The following STON1 variants were observed in gnomAD, a reference collection of about 807,000 sequenced individuals.
The protein encoded by STON1 is stonin 1.
STON1 carries 79 observed loss-of-function variants against 60.9 expected under a neutral mutation model. That is an observed-to-expected ratio of 1.30 (90% CI 1.08 to 1.56). The LOEUF (loss-of-function observed/expected upper bound fraction) is 1.56, where lower values mean the gene tolerates loss of function less well. Among genes scored for constraint, STON1 ranks in the 40% most tolerant of loss-of-function variants. The probability of loss-of-function intolerance (pLI) is 0.00; values close to 1 mark genes in which losing one functional copy is unlikely to be tolerated. For synonymous variants in STON1, 363 were observed against 306.9 expected, an observed-to-expected ratio of 1.18 and a Z score of -1.91; for missense variants, 1,166 against 858.9, an observed-to-expected ratio of 1.36 and a Z score of -4.47.
At chr2:48,571,902 C>T (rs1326308975) in intron 1 of STON1, among the ~76,000 whole-genome samples, 2 of 152,144 alleles carry the variant, frequency 1.3e-5, no homozygotes, top group Admixed American at 6.5e-5. Flanking sequence ...CGGTGGCTCA[C>T]GCCTGTAATC....
chr2:48,568,327 A>C (rs1345873492), intron 1 of STON1, among the ~76,000 whole-genome samples: 2 of 152,212 alleles, frequency 1.3e-5, no homozygotes, highest in Admixed American at 6.5e-5. Flanking sequence ...TTCAGCTGCC[A>C]TATGACCTGG....
intron 1 of STON1, among the ~76,000 whole-genome samples, chr2:48,540,622 C>G (rs548696823): frequency 1.3e-5 from 2 of 152,220 alleles, no homozygotes; most frequent in Non-Finnish European, 2.9e-5. Context: ...TTATAGTAAA[C>G]CAGTAAACCT....
chr2:48,541,375 A>G (rs1020641589), intron 1 of STON1, among the ~76,000 whole-genome samples: 3 of 149,774 alleles, frequency 2.0e-5, no homozygotes, highest in Non-Finnish European at 3.0e-5. Context: ...TTATTTTCTT[A>G]TATGTAAAAT....
chr2:48,570,251 C>T (rs1204576539), intron 1 of STON1, among the ~76,000 whole-genome samples: 1 of 152,130 alleles, frequency 6.6e-6, no homozygotes, highest in African/African-American at 2.4e-5. Context: ...AGGAGAATCA[C>T]TTGAACCCGG....
chr2:48,591,936 TTGTG>T, intron 3 of STON1, 81 bp downstream of exon 3: 1 of 1,520,854 alleles, frequency 6.6e-7, no homozygotes. Context: ...CGTGTATGTG[TTGTG>T]TGTGTGTGTA....
At chr2:48,565,271 C>G (rs541004022) in intron 1 of STON1, among the ~76,000 whole-genome samples, 1 of 151,822 alleles carries the variant, frequency 6.6e-6, no homozygotes, top group African/African-American at 2.4e-5. Context: ...CCAGGATGGT[C>G]TCGATCTCCT....
intron 1 of STON1, among the ~76,000 whole-genome samples, chr2:48,537,431 G>A (rs950345894): frequency 1.3e-5 from 2 of 152,242 alleles, no homozygotes; most frequent in East Asian, 1.9e-4. Flanking sequence ...TATTAATTGT[G>A]TTGAAACATG....
intron 1 of STON1, among the ~76,000 whole-genome samples, chr2:48,565,038 G>GCTTCTT (rs1672877049): frequency 7.8e-6 from 1 of 128,140 alleles, no homozygotes; most frequent in African/African-American, 2.9e-5. Context: ...TGGCCCTCCG[G>GCTTCTT]CTTCTTCTTT....
At chr2:48,538,690 A>G (rs1232016830) in intron 1 of STON1, among the ~76,000 whole-genome samples, 2 of 148,756 alleles carry the variant, frequency 1.3e-5, no homozygotes, top group East Asian at 4.0e-4. Flanking sequence ...CTCTACTTCC[A>G]GGGTTCAAAC....
chr2:48,552,117 T>A (rs959900840), intron 1 of STON1, among the ~76,000 whole-genome samples: 7 of 152,214 alleles, frequency 4.6e-5, no homozygotes, highest in Non-Finnish European at 1.0e-4. Flanking sequence ...AGCAGATGAA[T>A]GGATAAACAA....
chr2:48,562,837 C>T (rs969308700), intron 1 of STON1, among the ~76,000 whole-genome samples: 5 of 152,174 alleles, frequency 3.3e-5, no homozygotes, highest in Non-Finnish European at 7.3e-5. Context: ...GACCATGAGC[C>T]CCAGCACTGT....
intron 1 of STON1, among the ~76,000 whole-genome samples, chr2:48,577,607 GT>G (rs1572970283): frequency 6.6e-6 from 1 of 151,770 alleles, no homozygotes; most frequent in Non-Finnish European, 1.5e-5. Context: ...AAAAAAACAG[GT>G]TTTTTTGTTT....
intron 1 of STON1, among the ~76,000 whole-genome samples, chr2:48,532,095 C>G (rs1671233982): frequency 6.6e-6 from 1 of 152,030 alleles, no homozygotes; most frequent in Non-Finnish European, 1.5e-5. Context: ...TGCCTATAAT[C>G]CCAGCATTTT....
intron 1 of STON1, among the ~76,000 whole-genome samples, chr2:48,539,254 T>G (rs1671558723): frequency 6.6e-6 from 1 of 152,090 alleles, no homozygotes; most frequent in African/African-American, 2.4e-5. Context: ...TTGTGCCAAC[T>G]CTCTTTTTCT....
intron 1 of STON1, among the ~76,000 whole-genome samples, chr2:48,568,121 C>T (rs1471970273): frequency 6.6e-6 from 1 of 152,072 alleles, no homozygotes; most frequent in Admixed American, 6.6e-5. Flanking sequence ...AGGAATTGAC[C>T]CAACAGGGAC....
At position 48,581,543 on chromosome 2, in the gene STON1, G is replaced by A. The variant is rs1481656261; in HGVS notation, c.910G>A (p.Gly304Arg). The change falls in exon 2 of 4, where the codon GGA becomes AGA. Residue 304 changes from glycine to arginine, a missense_variant. Coordinates refer to ENST00000404752, the MANE Select transcript of STON1 (RefSeq NM_006873.4). ...ACCAATTTTTCTGAAAGTTTTGCCT[G>A]GAGGAATTTTGCAGATGTATTATGA... ...WGPIFLKVLP[G>R]GILQMYYEQG... The A allele has an allele frequency of 6.2e-7, 1 of 1,614,200 alleles. No individual in the cohort carries two copies. Among genetic ancestry groups the A allele is most frequent in the Non-Finnish European group, 8.5e-7 (1 of 1,180,040 alleles).
At chr2:48,564,491 T>C (rs866884242) in intron 1 of STON1, among the ~76,000 whole-genome samples, 264 of 20,164 alleles carry the variant, frequency 0.013, 5 homozygotes, top group South Asian at 0.034. Flanking sequence ...TTCTTCTTCT[T>C]CTTCTTCTTC....
chr2:48,555,347 T>G (rs375081239), intron 1 of STON1, among the ~76,000 whole-genome samples: 7 of 25,178 alleles, frequency 2.8e-4, no homozygotes, highest in African/African-American at 6.9e-4. Context: ...CCCTCCCGGA[T>G]GGGGCGGCTG....
chr2:48,559,765 A>G (rs1010581738), intron 1 of STON1, among the ~76,000 whole-genome samples: 2 of 152,114 alleles, frequency 1.3e-5, no homozygotes, highest in African/African-American at 2.4e-5. Context: ...TGCAGTTTCC[A>G]TGGTGCTTAA....
Sources: allele counts gnomAD v4.1 joint callset (sites outside exome capture counted in the v4.1 genomes callset), GRCh38; gene constraint gnomAD v4.1.1; transcripts MANE v1.5; gene names NCBI Gene and HGNC (gene_info 2026-07-23, HGNC 2026-07-21).